Variants in ELL2 observed in about 807,000 individuals in gnomAD.
The protein encoded by ELL2 is elongation factor for RNA polymerase II 2, also known as RNA polymerase II elongation factor ELL2.
Under a neutral mutation model 72.8 loss-of-function variants are expected in ELL2, and 21 were observed. The observed-to-expected ratio is 0.29, with a 90% CI of 0.20 to 0.42. The LOEUF (loss-of-function observed/expected upper bound fraction) is 0.42. ELL2 is among the 10% of genes least tolerant of loss of function. The probability of loss-of-function intolerance (pLI) is 1.00; values close to 1 mark genes in which losing one functional copy is unlikely to be tolerated. For missense variants in ELL2, 568 were observed against 772.8 expected (o/e 0.73, Z 3.14); for synonymous variants, 266 against 283.2 (o/e 0.94, Z 0.61).
intron 2 of ELL2, among the ~76,000 whole-genome samples, chr5:95,940,289 T>C (rs947088421): frequency 1.3e-5 from 2 of 152,242 alleles, no homozygotes; most frequent in African/African-American, 2.4e-5. Flanking sequence ...GAATTTCTAC[T>C]CTTTAGCAGC....
At chr5:95,950,635 A>T (rs1227481208) in intron 1 of ELL2, among the ~76,000 whole-genome samples, 1 of 151,944 alleles carries the variant, frequency 6.6e-6, no homozygotes, top group East Asian at 1.9e-4. Flanking sequence ...CACAAAACCA[A>T]TCTAGTATTT....
intron 1 of ELL2, among the ~76,000 whole-genome samples, chr5:95,960,895 C>T (rs914609379): frequency 1.3e-5 from 2 of 151,802 alleles, no homozygotes; most frequent in Admixed American, 6.6e-5. Context: ...ACGCGAAGCG[C>T]CAGTGTCCCC....
At chr5:95,947,887 T>C (rs1045049586) in intron 1 of ELL2, among the ~76,000 whole-genome samples, 1 of 152,190 alleles carries the variant, frequency 6.6e-6, no homozygotes, top group Non-Finnish European at 1.5e-5. Flanking sequence ...TTTTTTTTCC[T>C]TTAAGGATGA....
chr5:95,898,162 A>G, intron 8 of ELL2, 78 bp downstream of exon 8: 1 of 1,206,816 alleles, frequency 8.3e-7, no homozygotes, highest in Non-Finnish European at 1.2e-6. Flanking sequence ...TCATTTGCTA[A>G]AGAAATTACT....
In ELL2 at chr5:95,935,801, T is replaced by C. The variant is rs529428986; in HGVS notation, c.195+7201A>G. ...CCTAACCAAACGCTCAAGTAATAAATACAGAGCCATCCTTATCTCTTCTTC... is the reference window on the plus strand; with the variant it reads ...CCTAACCAAACGCTCAAGTAATAAACACAGAGCCATCCTTATCTCTTCTTC... On this transcript the variant is annotated intron_variant, in intron 2 of 11. Coordinates refer to ENST00000237853, the MANE Select transcript of ELL2 (RefSeq NM_012081.6). 4.0e-3 allele frequency among the ~76,000 whole-genome samples: 613 copies of C among 152,270 alleles called. 1 individual carries two copies. The highest frequency in any genetic ancestry group is 5.3e-3 in the Non-Finnish European group (361 of 68,012).
chr5:95,942,715 C>A (rs1561511660), intron 2 of ELL2, among the ~76,000 whole-genome samples: 1 of 152,078 alleles, frequency 6.6e-6, no homozygotes, highest in Non-Finnish European at 1.5e-5. Flanking sequence ...TCACATAATA[C>A]CTTGATGTAC....
At chr5:95,929,383 C>T (rs2015159) in intron 2 of ELL2, among the ~76,000 whole-genome samples, 56,520 of 151,554 alleles carry the variant, frequency 0.37, 11,856 homozygotes, top group African/African-American at 0.58. Flanking sequence ...CTCAGCCTCC[C>T]GAGTAGCTGG....
At chr5:95,891,015 G>A (rs1419507221) in intron 10 of ELL2, 88 bp downstream of exon 10, 1 of 1,514,584 alleles carries the variant, frequency 6.6e-7, no homozygotes, top group Non-Finnish European at 9.2e-7. Context: ...TACTCTAAAG[G>A]CCACTGTGAT....
At chr5:95,926,565 A>G (rs1186713420) in intron 2 of ELL2, among the ~76,000 whole-genome samples, 2 of 152,202 alleles carry the variant, frequency 1.3e-5, no homozygotes, top group Admixed American at 6.5e-5. Flanking sequence ...AGCAAGATGT[A>G]TATTAAGCAA....
intron 2 of ELL2, among the ~76,000 whole-genome samples, chr5:95,939,668 A>G (rs968100759): frequency 3.9e-5 from 6 of 152,246 alleles, no homozygotes; most frequent in South Asian, 2.1e-4. Flanking sequence ...ACTTTCAACA[A>G]GCATGCAAAT....
intron 2 of ELL2, among the ~76,000 whole-genome samples, chr5:95,920,323 ATTTT>A (rs1477066626): frequency 2.3e-4 from 29 of 126,964 alleles, no homozygotes; most frequent in African/African-American, 8.9e-4. Context: ...TTATTTATTT[ATTTT>A]TGAGACGGAG....
Position 95,895,662 on chromosome 5 carries a change from C to T in ELL2, c.1555G>A (p.Glu519Lys). ...GVKEDCTASMEPSAIELPDYL... is the reference protein window; with the variant it reads ...GVKEDCTASMKPSAIELPDYL... ...TCTGGGAGTTCAATTGCTGAAGGTT[C>T]CATGGAGGCAGTGCAATCCTCTTTA... The change falls in exon 9 of 12, where the codon GAA (glutamate) becomes AAA (lysine). Residue 519 changes from glutamate (E) to lysine (K), a missense_variant. Around this residue, in one of 2 missense-constraint regions of ELL2, gnomAD observed 511 missense variants for 728.4 expected, o/e 0.70. Coordinates refer to ENST00000237853, the MANE Select transcript of ELL2 (RefSeq NM_012081.6). 1 of 1,613,984 alleles carries T rather than the reference C, an allele frequency of 6.2e-7. No individual in the cohort carries two copies.
At chr5:95,941,375 A>C (rs1340734170) in intron 2 of ELL2, among the ~76,000 whole-genome samples, 1 of 152,164 alleles carries the variant, frequency 6.6e-6, no homozygotes, top group Admixed American at 6.5e-5. Context: ...GAAAATTTAG[A>C]AAAGGTGGTC....
intron 2 of ELL2, among the ~76,000 whole-genome samples, chr5:95,927,391 ATATAGACATACACACACGTGTG>A (rs1412572086): frequency 4.9e-5 from 2 of 41,042 alleles, no homozygotes; most frequent in Non-Finnish European, 8.5e-5. Context: ...ACGTGTGTAT[ATATAGACATACACACACGTGTG>A]TATATAGACA....
At chr5:95,953,400 C>G (rs1327499011) in intron 1 of ELL2, among the ~76,000 whole-genome samples, 1 of 152,146 alleles carries the variant, frequency 6.6e-6, no homozygotes, top group Non-Finnish European at 1.5e-5. Context: ...CTTTTTCTGG[C>G]TCTTGAGGTA....
chr5:95,894,628 G>C (rs1290368889), intron 9 of ELL2, among the ~76,000 whole-genome samples: 1 of 152,202 alleles, frequency 6.6e-6, no homozygotes, highest in Non-Finnish European at 1.5e-5. Context: ...CCTCAGATGA[G>C]AGGGTACTCA....
chr5:95,961,460 C>T (rs528724059), intron 1 of ELL2, 115 bp downstream of exon 1: 1 of 1,258,976 alleles, frequency 7.9e-7, no homozygotes, highest in South Asian at 2.4e-5. Flanking sequence ...CCGCTGCGGG[C>T]GCTGACGGTA....
chr5:95,901,543 A>G (rs1161319319), intron 5 of ELL2, among the ~76,000 whole-genome samples: 1 of 141,552 alleles, frequency 7.1e-6, no homozygotes, highest in East Asian at 2.1e-4. Flanking sequence ...TTTATAAATT[A>G]GGCATGGTAA....
chr5:95,890,912 G>T, intron 10 of ELL2, 191 bp downstream of exon 10: 1 of 652,708 alleles, frequency 1.5e-6, no homozygotes, highest in Non-Finnish European at 2.6e-6. Flanking sequence ...TCCACTGGTA[G>T]AAATACAGGT....
Sources: allele counts gnomAD v4.1 joint callset (sites outside exome capture counted in the v4.1 genomes callset), GRCh38; gene constraint gnomAD v4.1.1; regional missense constraint gnomAD v4.1.1; transcripts MANE v1.5; gene names NCBI Gene and HGNC (gene_info 2026-07-23, HGNC 2026-07-21).